The following IZUMO1 variants were observed in gnomAD, a reference collection of about 807,000 sequenced individuals.
The protein encoded by IZUMO1 is izumo sperm-oocyte fusion 1.
IZUMO1 carries 44 observed loss-of-function variants against 40.7 expected under a neutral mutation model. The observed-to-expected ratio is 1.08, with a 90% CI of 0.85 to 1.39. IZUMO1 has a LOEUF of 1.39. IZUMO1 is among the 40% of genes most tolerant of loss of function. The pLI, the probability that IZUMO1 is intolerant of heterozygous loss-of-function variation, is 0.00. For synonymous variants in IZUMO1, 149 were observed against 170.9 expected, an observed-to-expected ratio of 0.87 and a Z score of 1.00; for missense variants, 368 against 436.9, an observed-to-expected ratio of 0.84 and a Z score of 1.41.
chr19:48,745,347 C>G, intron 2 of IZUMO1, 59 bp from the exon 3 acceptor site: 1 of 1,477,256 alleles, frequency 6.8e-7, no homozygotes, highest in East Asian at 2.3e-5. Context: ...CGCGCCTAAT[C>G]TTAGAAACTA....
intron 3 of IZUMO1, among the ~76,000 whole-genome samples, 192 bp from the exon 4 acceptor site, chr19:48,744,731 A>T (rs889241366): frequency 8.2e-6 from 1 of 122,076 alleles, no homozygotes. Flanking sequence ...CCTGCCACCC[A>T]GGCTGGAGTG....
At chr19:48,744,365 T>G (rs2033814359) in intron 4 of IZUMO1, 88 bp downstream of exon 4, 2 of 1,262,490 alleles carry the variant, frequency 1.6e-6, no homozygotes, top group South Asian at 2.4e-5. Flanking sequence ...GCTGAGGAAC[T>G]GGGCTTGGAG....
rs1189041660 is a variant in IZUMO1, at chr19:48,741,755, A to C, written c.754+34T>G. ...CGGACCCCAGCTTTCCTGGGCCCTG[A>C]ATCCTACACTTCTCTCAGCCCCACA... On this transcript the variant is annotated intron_variant, in intron 8 of 9. Transcript: ENST00000332955. The surrounding 1 kb of genome is among the most constrained non-coding windows in gnomAD (Gnocchi z 4.4). 1.3e-6 allele frequency: 2 copies of C among 1,525,154 alleles called. No homozygotes were observed. Among genetic ancestry groups the C allele is most frequent in the South Asian group, 1.3e-5 (1 of 77,846 alleles). The allele number at this position is 1,525,154 out of a possible 1,614,324, so 94.5% of individuals were successfully genotyped here.
chr19:48,741,730 C>A lies in IZUMO1; in HGVS notation c.754+59G>T, dbSNP rs891251247. The A allele has an allele frequency of 2.0e-6, 3 of 1,501,706 alleles. No individual in the cohort carries two copies. Among genetic ancestry groups the A allele is most frequent in the Non-Finnish European group, 2.7e-6 (3 of 1,122,330 alleles). 93.0% of individuals were successfully genotyped at this position (1,501,706 alleles called of 1,614,324 possible). A position where few individuals can be genotyped will look rare whatever the true frequency, so the allele number is the denominator to read the frequency against. On this transcript the variant is annotated intron_variant, in intron 8 of 9. Transcript: ENST00000332955. This position sits in a 1 kb window ranked among gnomAD's most constrained non-coding sequence, Gnocchi z 4.4. The stretch of plus-strand genomic sequence containing the variant: ...CATCGCCAAGGCCACGCCCCCGCCG[C>A]GGACCCCAGCTTTCCTGGGCCCTGA...
In IZUMO1 at chr19:48,741,774, C is replaced by T; in HGVS notation, c.754+15G>A. 1.3e-6 allele frequency: 2 copies of T among 1,544,084 alleles called. No individual in the cohort carries two copies. The highest frequency in any genetic ancestry group is 1.8e-6 in the Non-Finnish European group (2 of 1,141,006). ...GCCCTGAATCCTACACTTCTCTCAG[C>T]CCCACAGCACTGACCTGTGACGTGA... is the stretch of plus-strand genomic sequence containing the variant. On this transcript the variant is annotated intron_variant, in intron 8 of 9. Transcript: ENST00000332955. The surrounding 1 kb of genome is among the most constrained non-coding windows in gnomAD (Gnocchi z 4.4).
At chr19:48,744,109 A>T (rs2033805766) in intron 5 of IZUMO1, 66 bp downstream of exon 5, 1 of 1,436,982 alleles carries the variant, frequency 7.0e-7, no homozygotes, top group East Asian at 2.3e-5. Context: ...GGATCCAAAA[A>T]GGCGAGTGGG....
chr19:48,743,988 C>CA (rs1402185835), intron 5 of IZUMO1, 187 bp downstream of exon 5: 47 of 639,050 alleles, frequency 7.4e-5, no homozygotes, highest in Non-Finnish European at 9.8e-5. Flanking sequence ...GAGACTGTCT[C>CA]AAAAAAAAGA....
In IZUMO1 at chr19:48,743,497, G is replaced by A. The variant is rs1274152079; in HGVS notation, c.447C>T (p.Cys149=). The change falls in exon 6 of 10, where the codon TGC becomes TGT. Residue 149 remains cysteine (C), a synonymous_variant. Transcript: ENST00000332955. ...CGVMLQTLIW[C]KNCKKEVHAC... is the part of the protein sequence containing the mutation. ...CGTGAACCTCCTTTTTGCAGTTCTT[G>A]CACCAGATCAGAGTTTGCAACATCA... The A allele has an allele frequency of 6.2e-7, 1 of 1,614,122 alleles. No individual in the cohort carries two copies. Among genetic ancestry groups the A allele is most frequent in the Admixed American group, 1.7e-5 (1 of 60,014 alleles).
rs184592837 is a variant in IZUMO1 at position 48,745,479 on chromosome 19, T to C, written c.235+146A>G. 1.3e-3 allele frequency: 1,401 copies of C among 1,099,722 alleles called. 4 individuals are homozygous for C. Among genetic ancestry groups the C allele is most frequent in the Admixed American group, 2.6e-3 (111 of 43,404 alleles). 68.1% of individuals were successfully genotyped at this position (1,099,722 alleles called of 1,614,324 possible). ...AGCCGAGGATAGGGAAAACGGTATT[T>C]ACTAGCCTCGGGGAACCTCGGAATC... is the stretch of plus-strand genomic sequence containing the variant. On this transcript the variant is annotated intron_variant, in intron 2 of 9. Transcript: ENST00000332955.
chr19:48,744,643 G>A (rs8111288), intron 3 of IZUMO1, 104 bp from the exon 4 acceptor site: 342,046 of 782,956 alleles, frequency 0.44, 80,569 homozygotes, highest in East Asian at 0.82. Context: ...AGGAAAGGGC[G>A]CTACAACTGA....
chr19:48,746,714 T>C lies in IZUMO1; in HGVS notation c.-353A>G. 1.0e-6 allele frequency: 1 copy of C among 984,974 alleles called. No homozygotes were observed. Among genetic ancestry groups the C allele is most frequent in the Non-Finnish European group, 1.2e-6 (1 of 829,826 alleles). 61.0% of individuals were successfully genotyped at this position (984,974 alleles called of 1,614,324 possible). On this transcript the variant is annotated 5_prime_UTR_variant, in exon 1 of 10. Transcript: ENST00000332955. ...AGGGCTTTTAAAGAGGAAGCCGGGGTCATGACCACCTACGCTAATTTTCCC... is the reference window on the plus strand; with the variant it reads ...AGGGCTTTTAAAGAGGAAGCCGGGGCCATGACCACCTACGCTAATTTTCCC...
At chr19:48,742,369 A>ATGGAGAC in intron 6 of IZUMO1, 60 bp from the exon 7 acceptor site, 1 of 1,189,684 alleles carries the variant, frequency 8.4e-7, no homozygotes, top group Non-Finnish European at 1.3e-6. Context: ...TGTTTTTGAG[A>ATGGAGAC]TGGAGACTCG....
At position 48,741,353 on chromosome 19, in the gene IZUMO1, G is replaced by A. The variant is rs771926164; in HGVS notation, c.880C>T (p.Leu294=). 1 of 1,612,160 alleles carries A rather than the reference G, an allele frequency of 6.2e-7. No individual in the cohort carries two copies. Among genetic ancestry groups the A allele is most frequent in the Non-Finnish European group, 8.5e-7 (1 of 1,179,766 alleles). Residue 294 remains leucine, a synonymous_variant, in exon 9 of 10, where the codon CTG becomes TTG. Transcript: ENST00000332955. This position sits in a 1 kb window ranked among gnomAD's most constrained non-coding sequence, Gnocchi z 4.4. The part of the protein sequence containing the change: ...QPEKMLASRL[L]GLLICGSLAL... ...AGGGAGCCGCAGATCAGCAGCCCCA[G>A]AAGGCGGCTTGCCAGCATTTTCTCG...
chr19:48,745,636 A>T lies in IZUMO1; in HGVS notation c.224T>A (p.Met75Lys). 6.2e-7 allele frequency: 1 copy of T among 1,613,952 alleles called. No homozygotes were observed. The highest frequency in any genetic ancestry group is 8.5e-7 in the Non-Finnish European group (1 of 1,179,966). Reference sequence around the variant, plus strand: ...CCCCCTGCCCTCACCAACGACCCCCATATAGGCATCCTCATTAAGCGACAG... The same window carrying T: ...CCCCCTGCCCTCACCAACGACCCCCTTATAGGCATCCTCATTAAGCGACAG... ...QELSLNEDAY[M>K]GVVDEATLQK... The change falls in exon 2 of 10, where the codon ATG (methionine) becomes AAG (lysine). Residue 75 changes from methionine to lysine, a missense_variant. Transcript: ENST00000332955.
At position 48,741,703 on chromosome 19, in the gene IZUMO1, C is replaced by T. The variant is rs2033699648; in HGVS notation, c.754+86G>A. On this transcript the variant is annotated intron_variant, in intron 8 of 9. Coordinates refer to ENST00000332955, the MANE Select transcript of IZUMO1 (RefSeq NM_182575.3). This position sits in a 1 kb window ranked among gnomAD's most constrained non-coding sequence, Gnocchi z 4.4. The stretch of plus-strand genomic sequence containing the variant: ...ACCACACCCAACAGGAAGTCACGCC[C>T]CCATCGCCAAGGCCACGCCCCCGCC... 1.4e-6 allele frequency: 2 copies of T among 1,447,372 alleles called. No homozygotes were observed. Among genetic ancestry groups the T allele is most frequent in the Admixed American group, 5.1e-5 (2 of 38,876 alleles). 89.7% of individuals were successfully genotyped at this position (1,447,372 alleles called of 1,614,324 possible). A position where few individuals can be genotyped will look rare whatever the true frequency, so the allele number is the denominator to read the frequency against.
At chr19:48,745,515 C>A in intron 2 of IZUMO1, 110 bp downstream of exon 2, 2 of 1,341,022 alleles carry the variant, frequency 1.5e-6, no homozygotes, top group East Asian at 2.3e-5. Flanking sequence ...TGCATCTCAG[C>A]CTTCTCCATT....
Position 48,746,037 on chromosome 19 carries a change from A to T in IZUMO1, c.-73-105T>A, listed in dbSNP as rs1006860591. 10 of 1,437,422 alleles carry T rather than the reference A, an allele frequency of 7.0e-6. No individual in the cohort carries two copies. In the African/African-American group the frequency reaches 1.4e-4, roughly 21 times the overall value. The allele number at this position is 1,437,422 out of a possible 1,614,324, so 89.0% of individuals were successfully genotyped here. A position where few individuals can be genotyped will look rare whatever the true frequency, so the allele number is the denominator to read the frequency against. On this transcript the variant is annotated intron_variant, in intron 1 of 9. Coordinates refer to ENST00000332955, the MANE Select transcript of IZUMO1 (RefSeq NM_182575.3). ...AGGATCTTCAGGAAATCTCCAAATA[A>T]AGAGGACCTATGTCCTTCATCAAAT...
chr19:48,743,447 C>G lies in IZUMO1; in HGVS notation c.497G>C (p.Gly166Ala). The G allele has an allele frequency of 1.9e-6, 3 of 1,614,118 alleles. No homozygotes were observed. Among genetic ancestry groups the G allele is most frequent in the Non-Finnish European group, 2.5e-6 (3 of 1,179,984 alleles). Residue 166 changes from glycine (G) to alanine (A), a missense_variant and splice_region_variant, in exon 6 of 10, where the codon GGG becomes GCG. Coordinates refer to ENST00000332955, the MANE Select transcript of IZUMO1 (RefSeq NM_182575.3). Reference sequence around the variant, plus strand: ...CCTGCTGGGTCCAGTTCTCTCACCCCCGCAATCGTAGGACTTTCGACAAGC... The same window carrying G: ...CCTGCTGGGTCCAGTTCTCTCACCCGCGCAATCGTAGGACTTTCGACAAGC... ...VHACRKSYDC[G>A]ERNVEVPQME...
chr19:48,743,573 C>T, intron 5 of IZUMO1, 48 bp from the exon 6 acceptor site: 1 of 1,436,280 alleles, frequency 7.0e-7, no homozygotes, highest in Non-Finnish European at 9.8e-7. Context: ...AGGGGCATGG[C>T]TAAAAGGAGA....
Sources: gnomAD v4.1 joint callset for allele counts (sites outside exome capture counted in the v4.1 genomes callset) on GRCh38, gnomAD v4.1.1 for gene constraint, Gnocchi (gnomAD v3.1) non-coding constraint, MANE v1.5 for transcripts, NCBI Gene and HGNC (gene_info 2026-07-23, HGNC 2026-07-21) for gene names.